KCNIP1: variants seen among roughly 807,000 people sequenced by gnomAD.
The protein encoded by KCNIP1 is A-type potassium channel modulatory protein KCNIP1.
A neutral mutation model predicts 33.0 loss-of-function variants in KCNIP1; 18 were observed. That is an observed-to-expected ratio of 0.55 (90% CI 0.38 to 0.81). The LOEUF is 0.81. Ranked by LOEUF, KCNIP1 falls within the 30% of genes least tolerant of loss-of-function variation. The pLI is 0.00. For synonymous variants in KCNIP1, 93 were observed against 98.3 expected, an observed-to-expected ratio of 0.95 and a Z score of 0.32; for missense variants, 238 against 271.6, an observed-to-expected ratio of 0.88 and a Z score of 0.87.
rs114887936 is a variant in KCNIP1, at chr5:170,556,422, C to T, written c.61+51789C>T. ...GATTCCTGGAGTCCTGCACTGTGTG[C>T]CCTTTGGCCCAGAAGGCCCTTGTAA... On this transcript the variant is annotated intron_variant, in intron 1 of 7. Coordinates refer to ENST00000328939, the MANE Select transcript of KCNIP1 (RefSeq NM_014592.4). Among the ~76,000 whole-genome samples the T allele has an allele frequency of 5.0e-3, 768 of 152,344 alleles. 10 individuals carry two copies. Among genetic ancestry groups the T allele is most frequent in the African/African-American group, 0.017 (727 of 41,570 alleles).
In KCNIP1 at chr5:170,457,109, A is replaced by G. The variant is rs147546998; in HGVS notation, c.88+103145A>G. On this transcript the variant is annotated intron_variant, in intron 1 of 7. Transcript: ENST00000377360. ...AATCAGGAAAGAATGAGAGAACATT[A>G]CTACCAACCTCATAGATACAAAAAG... 2.3e-4 allele frequency among the ~76,000 whole-genome samples: 35 copies of G among 152,354 alleles called. 1 individual carries two copies. In the East Asian group the frequency reaches 6.6e-3, roughly 29 times the overall value.
chr5:170,703,868 C>T (rs1763175714), intron 1 of KCNIP1, among the ~76,000 whole-genome samples: 1 of 137,772 alleles, frequency 7.3e-6, no homozygotes, highest in Non-Finnish European at 1.5e-5. Flanking sequence ...AGATATTAGA[C>T]ATCACAGAGG....
At chr5:170,471,603 A>G (rs964641244) in intron 1 of KCNIP1, among the ~76,000 whole-genome samples, 3 of 152,196 alleles carry the variant, frequency 2.0e-5, no homozygotes, top group Admixed American at 1.3e-4. Flanking sequence ...TCCACATGCC[A>G]GTCTGCAAGG....
chr5:170,539,315 C>T (rs568467461), intron 1 of KCNIP1, among the ~76,000 whole-genome samples: 3 of 152,246 alleles, frequency 2.0e-5, no homozygotes, highest in East Asian at 3.9e-4. Flanking sequence ...TCCTCTGGTC[C>T]TTGGAGTGAA....
intron 1 of KCNIP1, among the ~76,000 whole-genome samples, chr5:170,627,738 G>A (rs573815139): frequency 1.8e-4 from 28 of 152,346 alleles, no homozygotes; most frequent in African/African-American, 6.7e-4. Context: ...GCTGAGGCTT[G>A]TAGGAGCCAA....
At chr5:170,358,799 G>A (rs1172457676) in intron 1 of KCNIP1, among the ~76,000 whole-genome samples, 6 of 152,172 alleles carry the variant, frequency 3.9e-5, no homozygotes, top group African/African-American at 7.2e-5. Flanking sequence ...GGAAACTGGG[G>A]TTTAGCTAAG....
intron 1 of KCNIP1, among the ~76,000 whole-genome samples, chr5:170,407,518 ACTATT>A (rs1222684305): frequency 6.6e-6 from 1 of 152,238 alleles, no homozygotes; most frequent in Non-Finnish European, 1.5e-5. Context: ...GAACACAAAG[ACTATT>A]ATCATATTTG....
intron 1 of KCNIP1, among the ~76,000 whole-genome samples, chr5:170,446,906 T>G (rs1756129840): frequency 6.6e-6 from 1 of 152,248 alleles, no homozygotes; most frequent in African/African-American, 2.4e-5. Context: ...CTCCAGGTCC[T>G]GACTGAACCA....
chr5:170,399,168 T>TAAA (rs1236477641), intron 1 of KCNIP1, among the ~76,000 whole-genome samples: 1 of 152,228 alleles, frequency 6.6e-6, no homozygotes, highest in East Asian at 1.9e-4. Flanking sequence ...TCTTTTACCC[T>TAAA]AAGCCTGCTA....
At chr5:170,572,275 C>T (rs1336481699) in intron 1 of KCNIP1, among the ~76,000 whole-genome samples, 1 of 152,178 alleles carries the variant, frequency 6.6e-6, no homozygotes, top group African/African-American at 2.4e-5. Context: ...AATAAACAAG[C>T]CAAATGCAAC....
At chr5:170,573,315 A>G (rs1757485289) in intron 1 of KCNIP1, among the ~76,000 whole-genome samples, 2 of 152,152 alleles carry the variant, frequency 1.3e-5, no homozygotes, top group African/African-American at 4.8e-5. Context: ...CTGAAATTCG[A>G]GCACTCTTGA....
intron 1 of KCNIP1, among the ~76,000 whole-genome samples, chr5:170,708,925 A>T (rs189296777): frequency 6.6e-6 from 1 of 152,308 alleles, no homozygotes; most frequent in African/African-American, 2.4e-5. Flanking sequence ...AAATTGAACT[A>T]TATTGCTTGA....
At chr5:170,592,309 T>C (rs1003226848) in intron 1 of KCNIP1, among the ~76,000 whole-genome samples, 1 of 152,212 alleles carries the variant, frequency 6.6e-6, no homozygotes, top group Non-Finnish European at 1.5e-5. Context: ...CTCATACTTT[T>C]GTAAATAGTA....
intron 1 of KCNIP1, among the ~76,000 whole-genome samples, chr5:170,473,019 C>T (rs1418671999): frequency 3.3e-5 from 5 of 152,172 alleles, no homozygotes. Context: ...TGTTTTCCAT[C>T]GTGGCTGTTC....
intron 1 of KCNIP1, among the ~76,000 whole-genome samples, chr5:170,474,603 C>T (rs1756809688): frequency 6.6e-6 from 1 of 152,196 alleles, no homozygotes. Flanking sequence ...TGTGTTATTT[C>T]TGATTCCCAT....
intron 1 of KCNIP1, chr5:170,383,635 T>C (rs1454835817): frequency 6.2e-7 from 1 of 1,606,374 alleles, no homozygotes; most frequent in South Asian, 1.1e-5. Context: ...CTCACACACC[T>C]GACAGGGATA....
chr5:170,655,073 G>A (rs1761204925), intron 1 of KCNIP1, among the ~76,000 whole-genome samples: 1 of 152,052 alleles, frequency 6.6e-6, no homozygotes, highest in Non-Finnish European at 1.5e-5. Flanking sequence ...AAGTGGCTCT[G>A]GAGCCAGCAC....
chr5:170,508,677 G>C (rs1476968999), intron 1 of KCNIP1, among the ~76,000 whole-genome samples: 1 of 152,148 alleles, frequency 6.6e-6, no homozygotes, highest in East Asian at 1.9e-4. Flanking sequence ...ATCTTTGCCT[G>C]TCCCTTTAAT....
chr5:170,378,753 G>C (rs1764111050), intron 1 of KCNIP1: 1 of 1,614,056 alleles, frequency 6.2e-7, no homozygotes, highest in Non-Finnish European at 8.5e-7. Flanking sequence ...CTTCACCATG[G>C]CGATAATGAG....
Sources: gnomAD v4.1 joint callset for allele counts (sites outside exome capture counted in the v4.1 genomes callset) on GRCh38, gnomAD v4.1.1 for gene constraint, MANE v1.5 for transcripts, NCBI Gene and HGNC (gene_info 2026-07-23, HGNC 2026-07-21) for gene names.